CACNA1E: variants seen among roughly 807,000 people sequenced by gnomAD.
The protein encoded by CACNA1E is calcium voltage-gated channel subunit alpha1 E.
CACNA1E carries 40 observed loss-of-function variants against 259.2 expected under a neutral mutation model. The observed-to-expected ratio is 0.15, with a 90% CI of 0.12 to 0.20. The LOEUF (loss-of-function observed/expected upper bound fraction) is 0.20, where lower values mean the gene tolerates loss of function less well. CACNA1E is among the 10% of genes least tolerant of loss of function. The probability of loss-of-function intolerance (pLI) is 1.00; values close to 1 mark genes in which losing one functional copy is unlikely to be tolerated. For synonymous variants in CACNA1E, 1,104 were observed against 1,138.5 expected (o/e 0.97, Z 0.61); for missense variants, 1,874 against 3,040.1 (o/e 0.62, Z 9.02).
chr1:181,433,755 T>G (rs1269960815), intron 2 of CACNA1E, among the ~76,000 whole-genome samples: 2 of 152,234 alleles, frequency 1.3e-5, no homozygotes, highest in Non-Finnish European at 2.9e-5. Context: ...TTCATTATAC[T>G]GTGAGCGTTA....
At chr1:181,462,552 T>C (rs553783618) in intron 2 of CACNA1E, among the ~76,000 whole-genome samples, 1 of 152,344 alleles carries the variant, frequency 6.6e-6, no homozygotes, top group Non-Finnish European at 1.5e-5. Context: ...ATTTGCCATA[T>C]TTGCTTCATC....
At chr1:181,441,107 G>T (rs909127667) in intron 2 of CACNA1E, among the ~76,000 whole-genome samples, 1 of 150,962 alleles carries the variant, frequency 6.6e-6, no homozygotes, top group African/African-American at 2.4e-5. Context: ...GGATGGCAAG[G>T]CTTCATTTTA....
intron 6 of CACNA1E, among the ~76,000 whole-genome samples, chr1:181,624,350 T>G (rs1039161085): frequency 1.3e-5 from 2 of 152,236 alleles, no homozygotes; most frequent in African/African-American, 4.8e-5. Flanking sequence ...ATTGACTCTT[T>G]CGTGAAAGAT....
chr1:181,790,609 C>G (rs1485876414), intron 44 of CACNA1E, 53 bp downstream of exon 44: 2 of 1,103,212 alleles, frequency 1.8e-6, no homozygotes, highest in East Asian at 2.3e-5. Context: ...TTCCTGATCC[C>G]TCTCACTAAT....
chr1:181,595,919 T>C (rs1653113786), intron 6 of CACNA1E, among the ~76,000 whole-genome samples: 1 of 152,202 alleles, frequency 6.6e-6, no homozygotes, highest in Admixed American at 6.5e-5. Flanking sequence ...AGTCTGTGTG[T>C]GCATGTGGGT....
upstream of CACNA1E, among the ~76,000 whole-genome samples, chr1:181,478,764 C>G (rs1663036201): frequency 6.6e-6 from 1 of 152,234 alleles, no homozygotes; most frequent in Non-Finnish European, 1.5e-5. Context: ...CAAGGCCTGA[C>G]AGATCTGGGA....
intron 6 of CACNA1E, among the ~76,000 whole-genome samples, chr1:181,647,783 C>T (rs935680013): frequency 3.3e-5 from 5 of 152,266 alleles, no homozygotes; most frequent in East Asian, 1.9e-4. Flanking sequence ...TGCTTCCTGC[C>T]GAGGTGTGTC....
chr1:181,752,598 G>A (rs1657691511), intron 27 of CACNA1E, among the ~76,000 whole-genome samples: 1 of 152,224 alleles, frequency 6.6e-6, no homozygotes, highest in Non-Finnish European at 1.5e-5. Context: ...CCCTCTGTGT[G>A]TTCTGGTCTG....
chr1:181,490,252 G>A (rs486708), intron 1 of CACNA1E, among the ~76,000 whole-genome samples: 45,473 of 151,930 alleles, frequency 0.3, 6,886 homozygotes, highest in Admixed American at 0.36. Context: ...AAAATGTGTC[G>A]GTTATCCAAG....
intron 32 of CACNA1E, among the ~76,000 whole-genome samples, chr1:181,760,761 C>A (rs145438646): frequency 5.3e-5 from 8 of 152,276 alleles, no homozygotes; most frequent in Admixed American, 2.0e-4. Context: ...GATTCAGACC[C>A]TGTTCTATCT....
Position 181,349,807 on chromosome 1 carries a change from G to A in CACNA1E, c.-15+31684G>A, listed in dbSNP as rs1372734610. Among the ~76,000 whole-genome samples the A allele has an allele frequency of 2.0e-5, 3 of 152,094 alleles. No individual in the cohort carries two copies. The East Asian group carries it at 5.8e-4, about 29-fold the overall frequency. On this transcript the variant is annotated intron_variant, in intron 1 of 11. Coordinates refer to the CACNA1E transcript ENST00000524607. ...GTGTGTATAGGGGTATTGTGGACAA[G>A]CCTCCAAGAAATGTGAAAAGGAGCA... is the stretch of plus-strand genomic sequence containing the variant.
intron 3 of CACNA1E, among the ~76,000 whole-genome samples, chr1:181,537,076 C>T (rs952305524): frequency 6.1e-5 from 9 of 147,434 alleles, no homozygotes; most frequent in African/African-American, 2.0e-4. Context: ...GGCTGGGGGC[C>T]GTGGTTTCTT....
chr1:181,689,878 C>T (rs1447839415), intron 7 of CACNA1E, among the ~76,000 whole-genome samples: 2 of 151,956 alleles, frequency 1.3e-5, no homozygotes, highest in Non-Finnish European at 2.9e-5. Flanking sequence ...GATATTAGCC[C>T]TTTGTCAAAT....
chr1:181,691,155 A>C (rs183835405), intron 7 of CACNA1E, among the ~76,000 whole-genome samples: 3 of 151,744 alleles, frequency 2.0e-5, no homozygotes. Flanking sequence ...CCTCACTTTC[A>C]GTTTTCTCAT....
intron 1 of CACNA1E, among the ~76,000 whole-genome samples, chr1:181,366,441 C>T (rs1333073933): frequency 2.0e-5 from 3 of 152,176 alleles, no homozygotes; most frequent in Non-Finnish European, 4.4e-5. Flanking sequence ...TGACCTGAGG[C>T]ACTTTGAGGG....
intron 1 of CACNA1E, among the ~76,000 whole-genome samples, chr1:181,329,420 G>A (rs72729310): frequency 0.015 from 2,297 of 152,148 alleles, 25 homozygotes; most frequent in African/African-American, 0.024. Flanking sequence ...CTTAGCCATG[G>A]TCTCTGTGCC....
In CACNA1E at chr1:181,737,667, G is replaced by A; in HGVS notation, c.3552+13G>A. 1 of 1,612,412 alleles carries A rather than the reference G, an allele frequency of 6.2e-7. No individual in the cohort carries two copies. The highest frequency in any genetic ancestry group is 8.5e-7 in the Non-Finnish European group (1 of 1,178,946). On this transcript the variant is annotated intron_variant, in intron 23 of 47. Coordinates refer to ENST00000367573, the MANE Select transcript of CACNA1E (RefSeq NM_001205293.3). ...GGAGCGCAACAAAGTGGGTACACAG[G>A]GGCCATGTGCCAGCCTCTGTAGTGC... is the stretch of plus-strand genomic sequence containing the variant.
chr1:181,702,045 G>A (rs898644785), intron 7 of CACNA1E, among the ~76,000 whole-genome samples: 1 of 152,102 alleles, frequency 6.6e-6, no homozygotes, highest in Non-Finnish European at 1.5e-5. Flanking sequence ...GGCACATATT[G>A]TGTGGATGAC....
At chr1:181,719,438 C>G (rs1654227773) in intron 12 of CACNA1E, among the ~76,000 whole-genome samples, 1 of 152,194 alleles carries the variant, frequency 6.6e-6, no homozygotes. Context: ...TAATCAGTTT[C>G]CTTGGTTTGA....
Sources: gnomAD v4.1 joint callset for allele counts (sites outside exome capture counted in the v4.1 genomes callset) on GRCh38, gnomAD v4.1.1 for gene constraint, MANE v1.5 for transcripts, NCBI Gene and HGNC (gene_info 2026-07-23, HGNC 2026-07-21) for gene names.